BPIFB4: variants seen among roughly 807,000 people sequenced by gnomAD.
BPIFB4 encodes the protein BPI fold-containing family B member 4.
In BPIFB4, 62 loss-of-function variants were observed where a neutral mutation model predicts 69.2. That is an observed-to-expected ratio of 0.90 (90% CI 0.73 to 1.11). The LOEUF (loss-of-function observed/expected upper bound fraction) is 1.11. BPIFB4 is among the 50% of genes least tolerant of loss of function. The pLI is 0.00. For synonymous variants in BPIFB4, 330 were observed against 332.7 expected (o/e 0.99, Z 0.09); for missense variants, 789 against 792.0 (o/e 1.00, Z 0.04).
In BPIFB4 at chr20:33,083,530, C is replaced by T. The variant is rs137949815; in HGVS notation, c.333C>T (p.Ser111=). The stretch of plus-strand genomic sequence containing the variant: ...ACCGATATGGTGAGATCCTTGAGTC[C>T]GAGGGAAGCATCAGGGACCTCCGAA... ...GKYRYGEILE[S]EGSIRDLRNS... is the part of the protein sequence containing the mutation. The change falls in exon 5 of 18, where the codon TCC becomes TCT. Residue 111 remains serine, a synonymous_variant. Coordinates refer to ENST00000375483, the MANE Select transcript of BPIFB4 (RefSeq NM_182519.3). 6.2e-6 allele frequency: 10 copies of T among 1,613,898 alleles called. No individual in the cohort carries two copies. The highest frequency in any genetic ancestry group is 2.7e-5 in the African/African-American group (2 of 74,940).
rs144729538 is a variant in BPIFB4 at position 33,083,512 on chromosome 20, T to C, written c.315T>C (p.Tyr105=). The C allele has an allele frequency of 2.4e-3, 3,830 of 1,613,860 alleles. 74 individuals carry two copies. The African/African-American group carries it at 0.041, about 17-fold the overall frequency. ...CTCAGCTGGGGGGCAAATACCGATA[T>C]GGTGAGATCCTTGAGTCCGAGGGAA... ...NTAQLGGKYR[Y]GEILESEGSI... The change falls in exon 5 of 18, where the codon TAT becomes TAC. Residue 105 remains tyrosine (Y), a synonymous_variant. Transcript: ENST00000375483.
In BPIFB4 at chr20:33,083,561, G is replaced by A; in HGVS notation, c.364G>A (p.Gly122Ser). ...EGSIRDLRNS[G>S]YRSAENAYGG... is the part of the protein sequence containing the mutation. ...AAGCATCAGGGACCTCCGAAACAGT[G>A]GCTATCGCAGTGCCGAGAATGCATA... The change falls in exon 5 of 18, where the codon GGC becomes AGC. Residue 122 changes from glycine (G) to serine (S), a missense_variant. By Grantham distance (56) the Gly-to-Ser change is moderately conservative (BLOSUM62 0). Coordinates refer to ENST00000375483, the MANE Select transcript of BPIFB4 (RefSeq NM_182519.3). The A allele has an allele frequency of 1.9e-6, 3 of 1,614,076 alleles. No individual in the cohort carries two copies. The highest frequency in any genetic ancestry group is 2.5e-6 in the Non-Finnish European group (3 of 1,179,982).
rs1163785880 is a variant in BPIFB4, at chr20:33,083,874, G to T, written c.677G>T (p.Gly226Val). Residue 226 changes from glycine to valine, a missense_variant and splice_region_variant, in exon 5 of 18, where the codon GGG (glycine) becomes GTG (valine). Coordinates refer to ENST00000375483, the MANE Select transcript of BPIFB4 (RefSeq NM_182519.3). ...CTCAGCACTGTGCAAGGCATCACGG[G>T]GTAAGGAGGGGACGGGTTCTCCCCA... is the stretch of plus-strand genomic sequence containing the variant. The part of the protein sequence containing the change: ...GILSTVQGIT[G>V]LRIVELTLPR... 1.3e-6 allele frequency: 2 copies of T among 1,599,752 alleles called. No homozygotes were observed. Among genetic ancestry groups the T allele is most frequent in the Non-Finnish European group, 8.5e-7 (1 of 1,171,388 alleles).
chr20:33,089,735 C>T (rs919950305), intron 9 of BPIFB4, among the ~76,000 whole-genome samples, 177 bp downstream of exon 9: 2 of 152,134 alleles, frequency 1.3e-5, no homozygotes, highest in Non-Finnish European at 2.9e-5. Flanking sequence ...AAACACCCCC[C>T]CCGAGTACCA....
At chr20:33,080,190 T>TG (rs11167196) in intron 1 of BPIFB4, among the ~76,000 whole-genome samples, 54,561 of 151,910 alleles carry the variant, frequency 0.36, 10,865 homozygotes, top group East Asian at 0.79. Context: ...GGAAAGAATT[T>TG]GGGGGCGCTG....
In BPIFB4 at chr20:33,086,090, C is replaced by T; in HGVS notation, c.852C>T (p.Arg284=). ...ITAKVRLTMD[R]TGYPRLVIER... is the part of the protein sequence containing the mutation. ...CCAAGGTCCGGCTGACCATGGACCG[C>T]ACGGGTTATCCTCGGCTGGTCATTG... Residue 284 remains arginine (R), a synonymous_variant, in exon 7 of 18, where the codon CGC becomes CGT. Transcript: ENST00000375483. 6.2e-7 allele frequency: 1 copy of T among 1,613,590 alleles called. No individual in the cohort carries two copies. The highest frequency in any genetic ancestry group is 2.2e-5 in the East Asian group (1 of 44,866).
intron 7 of BPIFB4, among the ~76,000 whole-genome samples, chr20:33,087,717 A>AACACACACACACACAC (rs1555882746): frequency 6.7e-5 from 4 of 59,396 alleles, no homozygotes; most frequent in Non-Finnish European, 1.3e-4. Context: ...CTATCCCCTC[A>AACACACACACACACAC]ACACACACAC....
chr20:33,097,519 T>G, intron 12 of BPIFB4, 98 bp from the exon 13 acceptor site: 7 of 1,319,392 alleles, frequency 5.3e-6, no homozygotes, highest in Non-Finnish European at 7.3e-6. Context: ...TCAAGCAACA[T>G]GAGACCCCGG....
chr20:33,093,716 C>T (rs1021482232), intron 11 of BPIFB4, among the ~76,000 whole-genome samples: 1 of 151,594 alleles, frequency 6.6e-6, no homozygotes, highest in African/African-American at 2.4e-5. Context: ...CACCCATTTA[C>T]CCATCAACCC....
chr20:33,107,888 A>C (rs1036486379), intron 17 of BPIFB4, 68 bp downstream of exon 17: 37 of 1,376,708 alleles, frequency 2.7e-5, no homozygotes, highest in Non-Finnish European at 3.7e-5. Flanking sequence ...TGACCACTGC[A>C]TTCAGGCCAG....
chr20:33,092,376 A>T, intron 10 of BPIFB4, 82 bp from the exon 11 acceptor site: 1 of 1,339,670 alleles, frequency 7.5e-7, no homozygotes. Flanking sequence ...CTGGAGGCAG[A>T]TTCAGGGCCT....
intron 12 of BPIFB4, among the ~76,000 whole-genome samples, chr20:33,096,519 C>CTT (rs1981758324): frequency 6.6e-6 from 1 of 152,222 alleles, no homozygotes; most frequent in South Asian, 2.1e-4. Flanking sequence ...AAGTGATCTG[C>CTT]CCACCTCGGC....
At chr20:33,111,285 C>G (rs564037759) in intron 17 of BPIFB4, 129 bp from the exon 18 acceptor site, 1 of 1,258,880 alleles carries the variant, frequency 7.9e-7, no homozygotes, top group African/African-American at 1.5e-5. Context: ...TGCATGACCC[C>G]TTTATCTCCG....
intron 8 of BPIFB4, among the ~76,000 whole-genome samples, chr20:33,089,289 G>A (rs1457782882): frequency 1.2e-4 from 18 of 152,194 alleles, no homozygotes; most frequent in Admixed American, 1.0e-3. Context: ...CTAGCTGGGT[G>A]CCAAGTTGCA....
chr20:33,089,489 C>T lies in BPIFB4; in HGVS notation c.991-9C>T, dbSNP rs142982767. 678 of 1,614,222 alleles carry T rather than the reference C, an allele frequency of 4.2e-4. 5 individuals are homozygous for T. In the East Asian group the frequency reaches 0.011, roughly 27 times the overall value. ...GTCAACAAGGCTTTGTGCCATTTCT[C>T]CCCTGCAGCTCTGCCCCATCGTGGA... On this transcript the variant is annotated splice_polypyrimidine_tract_variant and intron_variant, in intron 8 of 17. Coordinates refer to ENST00000375483, the MANE Select transcript of BPIFB4 (RefSeq NM_182519.3).
intron 12 of BPIFB4, among the ~76,000 whole-genome samples, chr20:33,096,992 G>A (rs75152701): frequency 0.027 from 4,162 of 152,218 alleles, 75 homozygotes; most frequent in African/African-American, 0.056. Flanking sequence ...TAGCTTTCAG[G>A]GAATCAAACT....
intron 15 of BPIFB4, chr20:33,104,563 T>C (rs1459486392): frequency 1.1e-5 from 5 of 457,184 alleles, no homozygotes; most frequent in East Asian, 3.6e-5. Context: ...CCCTGCTTCA[T>C]AGGGGCCTTG....
At chr20:33,100,633 G>A in intron 14 of BPIFB4, 140 bp downstream of exon 14, 1 of 692,568 alleles carries the variant, frequency 1.4e-6, no homozygotes, top group Non-Finnish European at 2.4e-6. Flanking sequence ...GATGGCTCAT[G>A]CCTACCATTA....
chr20:33,106,280 C>A (rs1039180737), intron 16 of BPIFB4, among the ~76,000 whole-genome samples: 1 of 152,150 alleles, frequency 6.6e-6, no homozygotes, highest in Non-Finnish European at 1.5e-5. Flanking sequence ...TAGGGCTCCA[C>A]GTGCACTTTC....
Sources: allele counts gnomAD v4.1 joint callset (sites outside exome capture counted in the v4.1 genomes callset), GRCh38; gene constraint gnomAD v4.1.1; transcripts MANE v1.5; gene names NCBI Gene and HGNC (gene_info 2026-07-23, HGNC 2026-07-21).